The following SLC25A21 variants were observed in gnomAD, a reference collection of about 807,000 sequenced individuals.
SLC25A21 encodes mitochondrial 2-oxodicarboxylate carrier.
A neutral mutation model predicts 43.8 loss-of-function variants in SLC25A21; 47 were observed. That is an observed-to-expected ratio of 1.07 (90% CI 0.85 to 1.37). The LOEUF (loss-of-function observed/expected upper bound fraction) is 1.37. Ranked by LOEUF, SLC25A21 falls within the 40% of genes most tolerant of loss-of-function variation. The pLI is 0.00. For synonymous variants in SLC25A21, 131 were observed against 121.3 expected, an observed-to-expected ratio of 1.08 and a Z score of -0.52; for missense variants, 352 against 350.2, an observed-to-expected ratio of 1.00 and a Z score of -0.04.
intron 1 of SLC25A21, among the ~76,000 whole-genome samples, chr14:37,018,838 G>A (rs993639005): frequency 7.2e-5 from 11 of 151,948 alleles, no homozygotes; most frequent in East Asian, 3.9e-4. Flanking sequence ...TCTGACTAAT[G>A]ACATTATTTT....
chr14:36,978,114 T>C (rs1338498684), intron 1 of SLC25A21, among the ~76,000 whole-genome samples: 1 of 152,184 alleles, frequency 6.6e-6, no homozygotes, highest in East Asian at 1.9e-4. Flanking sequence ...GATTTTCTTC[T>C]GTGACTCAAA....
chr14:36,886,840 C>T (rs989114370), intron 1 of SLC25A21, among the ~76,000 whole-genome samples: 2 of 152,102 alleles, frequency 1.3e-5, no homozygotes, highest in African/African-American at 4.8e-5. Context: ...TTGTCTTCCT[C>T]TTTGTTATTT....
intron 1 of SLC25A21, among the ~76,000 whole-genome samples, chr14:36,990,640 G>A (rs1320872434): frequency 2.6e-5 from 4 of 152,106 alleles, no homozygotes; most frequent in East Asian, 1.9e-4. Flanking sequence ...ATTTTGGGGG[G>A]TCAAGGTGGG....
At chr14:36,814,033 T>C (rs751670850) in intron 2 of SLC25A21, 32 bp from the exon 3 acceptor site, 19 of 1,508,304 alleles carry the variant, frequency 1.3e-5, no homozygotes, top group Non-Finnish European at 1.7e-5. Context: ...AAATTCTAAG[T>C]TAAAGATTTT....
chr14:36,729,692 T>C (rs1373665844), intron 4 of SLC25A21, 126 bp from the exon 5 acceptor site: 9 of 746,506 alleles, frequency 1.2e-5, no homozygotes, highest in East Asian at 5.7e-5. Flanking sequence ...AACTATCTAA[T>C]ACAGTTTTTA....
Position 36,711,502 on chromosome 14 carries a change from G to A in SLC25A21, c.439-20C>T, listed in dbSNP as rs2139189147. The A allele has an allele frequency of 6.2e-7, 1 of 1,610,486 alleles. No individual in the cohort carries two copies. The highest frequency in any genetic ancestry group is 8.5e-7 in the Non-Finnish European group (1 of 1,178,632). On this transcript the variant is annotated intron_variant, in intron 6 of 9. Coordinates refer to ENST00000331299, the MANE Select transcript of SLC25A21 (RefSeq NM_030631.4). ...TGGTTGCTGCAGAAGAGAGAAGCAAGGCCAGAATGATCATCTTTGGGACTG... is the reference window on the plus strand; with the variant it reads ...TGGTTGCTGCAGAAGAGAGAAGCAAAGCCAGAATGATCATCTTTGGGACTG...
intron 1 of SLC25A21, among the ~76,000 whole-genome samples, chr14:37,102,490 C>T (rs1387194136): frequency 1.3e-5 from 2 of 151,670 alleles, no homozygotes; most frequent in Non-Finnish European, 2.9e-5. Flanking sequence ...GAGACTTTTC[C>T]TAGTCCCCTA....
rs188631737 is a variant in SLC25A21 at position 36,695,184 on chromosome 14, T to A, written c.604-10259A>T. Reference sequence around the variant, plus strand: ...AAATAGGGAATCCTTTCCCCATTTCTTGTTTTTGTCAGGTTTGTCAAAGAT... The same window carrying A: ...AAATAGGGAATCCTTTCCCCATTTCATGTTTTTGTCAGGTTTGTCAAAGAT... On this transcript the variant is annotated intron_variant, in intron 7 of 9. Transcript: ENST00000331299. Among the ~76,000 whole-genome samples, 231 of 152,374 alleles carry A rather than the reference T, an allele frequency of 1.5e-3. No homozygotes were observed. The East Asian group carries it at 0.032, about 21-fold the overall frequency.
chr14:36,722,354 G>A (rs1884408752), intron 6 of SLC25A21, among the ~76,000 whole-genome samples: 1 of 152,138 alleles, frequency 6.6e-6, no homozygotes, highest in South Asian at 2.1e-4. Context: ...CTATAATGGT[G>A]AATATATGTC....
intron 1 of SLC25A21, among the ~76,000 whole-genome samples, chr14:37,044,813 G>A (rs1961553528): frequency 6.6e-6 from 1 of 152,048 alleles, no homozygotes; most frequent in Non-Finnish European, 1.5e-5. Flanking sequence ...CAACTTTTTT[G>A]GTTTCTAAAT....
chr14:36,980,692 T>C (rs1299746722), intron 1 of SLC25A21, among the ~76,000 whole-genome samples: 1 of 152,214 alleles, frequency 6.6e-6, no homozygotes, highest in Non-Finnish European at 1.5e-5. Context: ...CTTTGTTCCA[T>C]TGCTGGAGAG....
At chr14:36,940,704 T>C (rs1892534917) in intron 1 of SLC25A21, among the ~76,000 whole-genome samples, 1 of 152,158 alleles carries the variant, frequency 6.6e-6, no homozygotes. Flanking sequence ...TGAAATCTTT[T>C]CATTGAACTT....
chr14:37,159,408 C>T (rs1209727584), intron 1 of SLC25A21, among the ~76,000 whole-genome samples: 2 of 151,944 alleles, frequency 1.3e-5, no homozygotes, highest in African/African-American at 4.8e-5. Flanking sequence ...AATAGAGAAA[C>T]TAGGAATAAA....
intron 1 of SLC25A21, among the ~76,000 whole-genome samples, chr14:37,007,472 G>A (rs1007948935): frequency 9.9e-5 from 15 of 151,998 alleles, no homozygotes; most frequent in African/African-American, 2.4e-4. Flanking sequence ...CCATGGTAGC[G>A]ATTGCCTGTA....
At chr14:36,685,496 C>T (rs769929433) in intron 7 of SLC25A21, among the ~76,000 whole-genome samples, 7 of 152,156 alleles carry the variant, frequency 4.6e-5, no homozygotes, top group African/African-American at 1.2e-4. Context: ...CAACTTGGGG[C>T]GGCTGCAAAA....
intron 3 of SLC25A21, among the ~76,000 whole-genome samples, chr14:36,776,732 T>C (rs1886849130): frequency 6.6e-6 from 1 of 152,186 alleles, no homozygotes; most frequent in Non-Finnish European, 1.5e-5. Flanking sequence ...TTTCTTAAGT[T>C]CCCTCTTTAC....
chr14:36,864,574 T>C (rs1482819261), intron 2 of SLC25A21, among the ~76,000 whole-genome samples: 1 of 152,220 alleles, frequency 6.6e-6, no homozygotes, highest in Non-Finnish European at 1.5e-5. Context: ...AACCCTATTA[T>C]GGTCATGCAC....
intron 1 of SLC25A21, among the ~76,000 whole-genome samples, chr14:36,995,192 G>C (rs1377901021): frequency 6.6e-6 from 1 of 152,026 alleles, no homozygotes; most frequent in East Asian, 1.9e-4. Flanking sequence ...GCAAATCTTA[G>C]GATCATCAAA....
chr14:36,715,490 C>T (rs1208661759), intron 6 of SLC25A21, among the ~76,000 whole-genome samples: 1 of 152,114 alleles, frequency 6.6e-6, no homozygotes, highest in African/African-American at 2.4e-5. Flanking sequence ...CTATCTAATC[C>T]AGCAGGTCAC....
Sources: gnomAD v4.1 joint callset for allele counts (sites outside exome capture counted in the v4.1 genomes callset) on GRCh38, gnomAD v4.1.1 for gene constraint, MANE v1.5 for transcripts, NCBI Gene and HGNC (gene_info 2026-07-23, HGNC 2026-07-21) for gene names.